MYT1: variants seen among roughly 807,000 people sequenced by gnomAD.
MYT1 encodes myelin transcription factor I.
In MYT1, 23 loss-of-function variants were observed where a neutral mutation model predicts 123.0. That is an observed-to-expected ratio of 0.19 (90% confidence interval 0.13 to 0.26). MYT1 has a LOEUF of 0.26. MYT1 is among the 10% of genes least tolerant of loss of function. The pLI, the probability that MYT1 is intolerant of heterozygous loss-of-function variation, is 1.00. For synonymous variants in MYT1, 518 were observed against 575.3 expected (o/e 0.90, Z 1.43); for missense variants, 1,125 against 1,472.5 (o/e 0.76, Z 3.86).
chr20:64,182,239 C>G (rs188962584), intron 1 of MYT1, among the ~76,000 whole-genome samples: 1 of 152,328 alleles, frequency 6.6e-6, no homozygotes, highest in Admixed American at 6.5e-5. Flanking sequence ...CAGTTTCACT[C>G]TGCATGAGGT....
chr20:64,218,861 G>T lies in MYT1; in HGVS notation c.1847-50G>T. On this transcript the variant is annotated intron_variant, in intron 11 of 22. Transcript: ENST00000328439. This position sits in a 1 kb window ranked among gnomAD's most constrained non-coding sequence, Gnocchi z 4.0. ...CTTTCCCAAAGGCCTCTTCCCCCAG[G>T]CACAGCCCCTCCAGTAGTTATGTGA... The T allele has an allele frequency of 6.2e-7, 1 of 1,611,592 alleles. No homozygotes were observed.
At chr20:64,211,159 C>T in intron 7 of MYT1, 47 bp from the exon 8 acceptor site, 1 of 1,585,342 alleles carries the variant, frequency 6.3e-7, no homozygotes, top group Middle Eastern at 1.7e-4. Flanking sequence ...CCTCTCTGCT[C>T]ACCACCCAGC....
intron 4 of MYT1, among the ~76,000 whole-genome samples, chr20:64,201,770 A>G (rs75342083): frequency 0.085 from 12,978 of 152,228 alleles, 714 homozygotes; most frequent in Middle Eastern, 0.19. Flanking sequence ...CACCGTGGGT[A>G]CCAGAACAGG....
chr20:64,217,765 A>G (rs1476791831), intron 11 of MYT1, among the ~76,000 whole-genome samples: 12 of 152,250 alleles, frequency 7.9e-5, no homozygotes. Context: ...CCCTGGCAGG[A>G]AGCCATTGCT....
chr20:64,186,950 C>A lies in MYT1; in HGVS notation c.-98-3113C>A, dbSNP rs1982823072. Among the ~76,000 whole-genome samples, 1 of 146,794 alleles carries A rather than the reference C, an allele frequency of 6.8e-6. No individual in the cohort carries two copies. Among genetic ancestry groups the A allele is most frequent in the Admixed American group, 6.7e-5 (1 of 14,834 alleles). ...TGGAGAGTTTTCCTGTAGCACGTGG[C>A]TCCGGCATCCACGTTTCCGTGGAGA... On this transcript the variant is annotated intron_variant, in intron 1 of 22. Coordinates refer to ENST00000328439, the MANE Select transcript of MYT1 (RefSeq NM_004535.3). This position sits in a 1 kb window ranked among gnomAD's most constrained non-coding sequence, Gnocchi z 4.3.
At chr20:64,188,701 G>A (rs971187206) in intron 1 of MYT1, among the ~76,000 whole-genome samples, 1 of 152,226 alleles carries the variant, frequency 6.6e-6, no homozygotes, top group African/African-American at 2.4e-5. Flanking sequence ...GCCCCAGTTA[G>A]AGGCCGCTCA....
rs542123884 is a variant in MYT1, at chr20:64,171,093, T to C, written c.-99+6354T>C. Among the ~76,000 whole-genome samples, 3 of 151,320 alleles carry C rather than the reference T, an allele frequency of 2.0e-5. No individual in the cohort carries two copies. The South Asian group carries it at 6.3e-4, about 32-fold the overall frequency. On this transcript the variant is annotated intron_variant, in intron 1 of 22. Coordinates refer to ENST00000328439, the MANE Select transcript of MYT1 (RefSeq NM_004535.3). ...TCTGGCTAATTTTTGTATTTTTTTT[T>C]TTTTTAACAGAGATGGGGTTTTGCC...
chr20:64,199,276 C>T (rs1299900321), intron 3 of MYT1, among the ~76,000 whole-genome samples: 1 of 152,198 alleles, frequency 6.6e-6, no homozygotes, highest in Non-Finnish European at 1.5e-5. Flanking sequence ...GCTAATGGGG[C>T]ATAGGAGGTT....
At chr20:64,205,898 A>C (rs1277904683) in intron 6 of MYT1, 98 bp downstream of exon 6, 2 of 1,528,200 alleles carry the variant, frequency 1.3e-6, no homozygotes, top group East Asian at 4.6e-5. Flanking sequence ...CGGGCAAGAG[A>C]AAGCCCTTCC....
intron 5 of MYT1, 36 bp from the exon 6 acceptor site, chr20:64,205,517 G>C: frequency 1.2e-6 from 2 of 1,609,474 alleles, no homozygotes; most frequent in Non-Finnish European, 1.7e-6. Context: ...CGTGGCCCTA[G>C]CCTGGTCCTC....
chr20:64,241,812 T>C lies in MYT1; in HGVS notation c.*1364T>C, dbSNP rs1984725023. The C allele has an allele frequency of 1.3e-5, 2 of 152,638 alleles. No individual in the cohort carries two copies. The highest frequency in any genetic ancestry group is 4.1e-4 in the South Asian group (2 of 4,836). The allele number at this position is 152,638 out of a possible 1,614,324, so 9.5% of individuals were successfully genotyped here. On this transcript the variant is annotated 3_prime_UTR_variant, in exon 23 of 23. Transcript: ENST00000328439. The surrounding 1 kb of genome is among the most constrained non-coding windows in gnomAD (Gnocchi z 4.2). Reference sequence around the variant, plus strand: ...TTTTTATATATTTTGTTATTTATTCTTTTAATAATGGAATTTTTTTAAAAA... The same window carrying C: ...TTTTTATATATTTTGTTATTTATTCCTTTAATAATGGAATTTTTTTAAAAA...
At chr20:64,238,442 G>A (rs1201388426) in intron 21 of MYT1, among the ~76,000 whole-genome samples, 1 of 152,168 alleles carries the variant, frequency 6.6e-6, no homozygotes, top group Non-Finnish European at 1.5e-5. Context: ...ACAGGCTCAT[G>A]TTGACTCTGC....
rs568076905 is a variant in MYT1, at chr20:64,220,616, G to A, written c.2241+634G>A. On this transcript the variant is annotated intron_variant, in intron 13 of 22. Transcript: ENST00000328439. ...TTCCCAAGGAGGTGTGTGTCCTGAA[G>A]AGCAAAGTCCAGCTGTGAGGGCAGC... Among the ~76,000 whole-genome samples the A allele has an allele frequency of 4.0e-4, 61 of 152,390 alleles. 2 individuals carry two copies. In the South Asian group the frequency reaches 0.011, roughly 28 times the overall value.
rs1164633568 is a variant in MYT1, at chr20:64,218,200, A to G, written c.1847-711A>G. Among the ~76,000 whole-genome samples, 1 of 152,226 alleles carries G rather than the reference A, an allele frequency of 6.6e-6. No individual in the cohort carries two copies. The highest frequency in any genetic ancestry group is 6.5e-5 in the Admixed American group (1 of 15,284). On this transcript the variant is annotated intron_variant, in intron 11 of 22. Coordinates refer to ENST00000328439, the MANE Select transcript of MYT1 (RefSeq NM_004535.3). This position sits in a 1 kb window ranked among gnomAD's most constrained non-coding sequence, Gnocchi z 4.0. Reference sequence around the variant, plus strand: ...TTGGATGAGGGAATGCAATGGTGCCAGTGGAGAGGGGGACCTCACGATAAG... The same window carrying G: ...TTGGATGAGGGAATGCAATGGTGCCGGTGGAGAGGGGGACCTCACGATAAG...
chr20:64,205,174 C>A, intron 5 of MYT1, 77 bp downstream of exon 5: 1 of 1,513,770 alleles, frequency 6.6e-7, no homozygotes, highest in South Asian at 1.1e-5. Context: ...AGATGGAGAA[C>A]TTTCCATCTT....
rs568814749 is a variant in MYT1, at chr20:64,173,266, G to T, written c.-99+8527G>T. Among the ~76,000 whole-genome samples, 52 of 152,282 alleles carry T rather than the reference G, an allele frequency of 3.4e-4. 1 individual carries two copies. In the South Asian group the frequency reaches 0.011, roughly 31 times the overall value. ...TTCCCTCCCCTCCTGAGCACCGTGG[G>T]AGGGTCAGGCCTCAAGCAGCCCTCG... On this transcript the variant is annotated intron_variant, in intron 1 of 22. Coordinates refer to ENST00000328439, the MANE Select transcript of MYT1 (RefSeq NM_004535.3).
intron 5 of MYT1, 74 bp downstream of exon 5, chr20:64,205,171 GAACTTTCC>G: frequency 6.5e-7 from 1 of 1,527,084 alleles, no homozygotes; most frequent in East Asian, 2.3e-5. Flanking sequence ...TGCAGATGGA[GAACTTTCC>G]ATCTTTTTCC....
chr20:64,222,570 T>C (rs1984041592), intron 14 of MYT1, among the ~76,000 whole-genome samples: 1 of 152,248 alleles, frequency 6.6e-6, no homozygotes, highest in African/African-American at 2.4e-5. Flanking sequence ...ATGAATCAGA[T>C]GTCAATGACC....
At position 64,180,795 on chromosome 20, in the gene MYT1, G is replaced by A. The variant is rs150542268; in HGVS notation, c.-98-9268G>A. Among the ~76,000 whole-genome samples the A allele has an allele frequency of 1.5e-3, 227 of 152,326 alleles. 2 individuals carry two copies. The East Asian group carries it at 0.023, about 16-fold the overall frequency. On this transcript the variant is annotated intron_variant, in intron 1 of 22. Coordinates refer to ENST00000328439, the MANE Select transcript of MYT1 (RefSeq NM_004535.3). Reference sequence around the variant, plus strand: ...TTTCTTTATCTTCAGTGTTTCGCTGGTGGACCAAACAGTTTACCAGTGTTA... The same window carrying A: ...TTTCTTTATCTTCAGTGTTTCGCTGATGGACCAAACAGTTTACCAGTGTTA...
Sources: gnomAD v4.1 joint callset for allele counts (sites outside exome capture counted in the v4.1 genomes callset) on GRCh38, gnomAD v4.1.1 for gene constraint, Gnocchi (gnomAD v3.1) non-coding constraint, MANE v1.5 for transcripts, NCBI Gene and HGNC (gene_info 2026-07-23, HGNC 2026-07-21) for gene names.